CACNA1I: variants seen among roughly 807,000 people sequenced by gnomAD.
CACNA1I encodes the protein voltage-dependent T-type calcium channel subunit alpha-1I.
Under a neutral mutation model 201.6 loss-of-function variants are expected in CACNA1I, and 74 were observed. The ratio of observed to expected loss-of-function variants is 0.37; its 90% CI spans 0.30 to 0.45. The LOEUF (loss-of-function observed/expected upper bound fraction) is 0.45, where lower values mean the gene tolerates loss of function less well. Ranked by LOEUF, CACNA1I falls within the 20% of genes least tolerant of loss-of-function variation. The pLI, the probability that CACNA1I is intolerant of heterozygous loss-of-function variation, is 1.00. For synonymous variants in CACNA1I, 1,431 were observed against 1,345.2 expected (o/e 1.06, Z -1.40); for missense variants, 2,346 against 3,138.1 (o/e 0.75, Z 6.03).
chr22:39,622,598 T>TG (rs1411964115), intron 4 of CACNA1I, among the ~76,000 whole-genome samples: 62 of 2,742 alleles, frequency 0.023, no homozygotes, highest in African/African-American at 0.031. Context: ...GAGTGCGGTG[T>TG]GGGGGGGGCG....
Position 39,686,419 on chromosome 22 carries a change from C to A in CACNA1I, c.*14C>A, listed in dbSNP as rs1255843934. On this transcript the variant is annotated 3_prime_UTR_variant, in exon 37 of 37. Coordinates refer to ENST00000402142, the MANE Select transcript of CACNA1I (RefSeq NM_021096.4). ...AGGAAGAGATGAGGGTCGCAGGGGC[C>A]CCCGGCCGCCCACCGCCCGCCCCGT... 2 of 1,229,748 alleles carry A rather than the reference C, an allele frequency of 1.6e-6. No homozygotes were observed. Among genetic ancestry groups the A allele is most frequent in the Non-Finnish European group, 2.0e-6 (2 of 981,554 alleles). The allele number at this position is 1,229,748 out of a possible 1,614,324, so 76.2% of individuals were successfully genotyped here.
chr22:39,580,796 A>G (rs1205118989), intron 1 of CACNA1I, among the ~76,000 whole-genome samples: 1 of 152,182 alleles, frequency 6.6e-6, no homozygotes, highest in Non-Finnish European at 1.5e-5. Context: ...AGGATGCTTG[A>G]GGGAAAGACT....
chr22:39,669,692 A>G (rs1027580693), intron 24 of CACNA1I, among the ~76,000 whole-genome samples: 1 of 149,794 alleles, frequency 6.7e-6, no homozygotes, highest in Admixed American at 6.6e-5. Context: ...GGATGGATGG[A>G]TGGGTGGTGG....
intron 29 of CACNA1I, among the ~76,000 whole-genome samples, chr22:39,674,580 C>T (rs950005856): frequency 5.9e-5 from 9 of 152,140 alleles, no homozygotes; most frequent in Admixed American, 3.3e-4. Flanking sequence ...CCGCACCCTG[C>T]GGTTAGTGAA....
Position 39,649,985 on chromosome 22 carries a change from C to T in CACNA1I, c.1992+60C>T. The T allele has an allele frequency of 6.4e-7, 1 of 1,571,846 alleles. No homozygotes were observed. Among genetic ancestry groups the T allele is most frequent in the Non-Finnish European group, 8.7e-7 (1 of 1,143,874 alleles). On this transcript the variant is annotated intron_variant, in intron 10 of 36. Coordinates refer to ENST00000402142, the MANE Select transcript of CACNA1I (RefSeq NM_021096.4). This position sits in a 1 kb window ranked among gnomAD's most constrained non-coding sequence, Gnocchi z 7.3. ...GAGGTGTGAGGGCCCCAGGACCCTG[C>T]CCAGGCCTGGGCAGCCCCATCCATC...
chr22:39,650,368 G>A (rs192906122), intron 10 of CACNA1I, among the ~76,000 whole-genome samples: 18 of 151,958 alleles, frequency 1.2e-4, no homozygotes, highest in Admixed American at 3.3e-4. Context: ...GCCCAGGCTG[G>A]AGTGCAGTGG....
At chr22:39,594,796 T>G (rs373691437) in intron 1 of CACNA1I, among the ~76,000 whole-genome samples, 2 of 151,942 alleles carry the variant, frequency 1.3e-5, no homozygotes, top group Non-Finnish European at 2.9e-5. Context: ...GATGTTGGAG[T>G]GGGCAGGGCC....
chr22:39,643,037 CCACCGGG>C (rs1457371459), intron 7 of CACNA1I, 148 bp downstream of exon 7: 1 of 608,030 alleles, frequency 1.6e-6, no homozygotes, highest in Non-Finnish European at 2.9e-6. Context: ...TTTCTCAGCA[CCACCGGG>C]CAGCAGATGA....
rs373122951 is a variant in CACNA1I at position 39,658,958 on chromosome 22, C to T, written c.2172C>T (p.Asp724=). The T allele has an allele frequency of 1.0e-4, 163 of 1,602,728 alleles. No homozygotes were observed. Among genetic ancestry groups the T allele is most frequent in the Middle Eastern group, 6.6e-4 (4 of 6,076 alleles). Reference sequence around the variant, plus strand: ...TCTGGGAGATTGTGGGGCAGGCGGACGGTGGGCTGTCGGTGCTGCGGACCT... The same window carrying T: ...TCTGGGAGATTGTGGGGCAGGCGGATGGTGGGCTGTCGGTGCTGCGGACCT... The part of the protein sequence containing the change: ...ISIWEIVGQA[D]GGLSVLRTFR... The change falls in exon 12 of 37, where the codon GAC becomes GAT. Residue 724 remains aspartate (D), a synonymous_variant. Transcript: ENST00000402142.
At position 39,663,515 on chromosome 22, in the gene CACNA1I, C is replaced by T. The variant is rs563514614; in HGVS notation, c.3474-203C>T. Among the ~76,000 whole-genome samples the T allele has an allele frequency of 1.7e-4, 26 of 152,274 alleles. No individual in the cohort carries two copies. The South Asian group carries it at 5.4e-3, about 32-fold the overall frequency. On this transcript the variant is annotated intron_variant, in intron 18 of 36. Transcript: ENST00000402142. ...AGTGCCAGGGAAAGGTGGGTGACCT[C>T]GTGGTGTGGGTGTATGGTCAGAGGA...
intron 1 of CACNA1I, among the ~76,000 whole-genome samples, chr22:39,580,868 A>G (rs956781323): frequency 6.6e-6 from 1 of 152,212 alleles, no homozygotes; most frequent in African/African-American, 2.4e-5. Flanking sequence ...TTGATCACCC[A>G]TTCATTCGAC....
rs758879542 is a variant in CACNA1I at position 39,677,324 on chromosome 22, C to T, written c.4855-17C>T. 7.6e-6 allele frequency: 12 copies of T among 1,573,268 alleles called. No homozygotes were observed. Among genetic ancestry groups the T allele is most frequent in the East Asian group, 2.3e-5 (1 of 43,694 alleles). ...CCCGCTCCCCAGCCCCACCCGGCCT[C>T]ACCTGTCCTCCCGCAGGTGGGCAAC... On this transcript the variant is annotated splice_polypyrimidine_tract_variant and intron_variant, in intron 29 of 36. Coordinates refer to ENST00000402142, the MANE Select transcript of CACNA1I (RefSeq NM_021096.4). This position sits in a 1 kb window ranked among gnomAD's most constrained non-coding sequence, Gnocchi z 4.8.
intron 10 of CACNA1I, among the ~76,000 whole-genome samples, chr22:39,654,489 TC>T (rs61209537): frequency 0.12 from 18,623 of 152,204 alleles, 2,651 homozygotes; most frequent in African/African-American, 0.35. Flanking sequence ...TGGCCCCAGC[TC>T]CCAGAGGACT....
In CACNA1I at chr22:39,686,080, G is replaced by T. The variant is rs1429855671; in HGVS notation, c.6347G>T (p.Gly2116Val). The T allele has an allele frequency of 2.4e-6, 3 of 1,236,728 alleles. No individual in the cohort carries two copies. The African/African-American group carries it at 4.7e-5, about 19-fold the overall frequency. 76.6% of individuals were successfully genotyped at this position (1,236,728 alleles called of 1,614,324 possible). ...SDEEGRGGAG[G>V]GGAGSEHSET... ...GAGGAGGGCCGCGGTGGCGCGGGCG[G>T]CGGGGGCGCGGGCAGCGAGCACTCG... The change falls in exon 37 of 37, where the codon GGC becomes GTC. Residue 2116 changes from glycine to valine, a missense_variant. By Grantham distance (109) the Gly-to-Val change is moderately radical (BLOSUM62 -3). This residue lies in a region of CACNA1I where 441 missense variants were observed against 555.6 expected (regional missense o/e 0.79). Coordinates refer to ENST00000402142, the MANE Select transcript of CACNA1I (RefSeq NM_021096.4).
Position 39,600,034 on chromosome 22 carries a change from C to G in CACNA1I, c.349-486C>G, listed in dbSNP as rs540866429. 2.0e-4 allele frequency among the ~76,000 whole-genome samples: 30 copies of G among 152,322 alleles called. No individual in the cohort carries two copies. In the East Asian group the frequency reaches 5.8e-3, roughly 29 times the overall value. Reference sequence around the variant, plus strand: ...TTTGGGGTGAGACCCACCGGAGTTTCAATCCTGGTTCTGCCACTTATCTGC... The same window carrying G: ...TTTGGGGTGAGACCCACCGGAGTTTGAATCCTGGTTCTGCCACTTATCTGC... On this transcript the variant is annotated intron_variant, in intron 2 of 36. Transcript: ENST00000402142.
In CACNA1I at chr22:39,649,508, C is replaced by T. The variant is rs1320809863; in HGVS notation, c.1575C>T (p.Cys525=). ...CTCTCATTTGCTTTTCAGAGCTGTG[C>T]CCGCAACATAGCCCCCTGGATGCGA... ...PGNDHSGREL[C]PQHSPLDATP... The change falls in exon 10 of 37, where the codon TGC becomes TGT. Residue 525 remains cysteine, a synonymous_variant. Coordinates refer to ENST00000402142, the MANE Select transcript of CACNA1I (RefSeq NM_021096.4). The surrounding 1 kb of genome is among the most constrained non-coding windows in gnomAD (Gnocchi z 7.3). The T allele has an allele frequency of 1.9e-6, 3 of 1,563,764 alleles. No homozygotes were observed. The highest frequency in any genetic ancestry group is 2.6e-6 in the Non-Finnish European group (3 of 1,154,430).
chr22:39,684,592 G>C lies in CACNA1I; in HGVS notation c.6027+94G>C. On this transcript the variant is annotated intron_variant, in intron 36 of 36. Transcript: ENST00000402142. This position sits in a 1 kb window ranked among gnomAD's most constrained non-coding sequence, Gnocchi z 4.6. The stretch of plus-strand genomic sequence containing the variant: ...AAGTCCAAGGGACTGGGAGGGGAAG[G>C]ACCCAACCAAAGGCCGAGGGCACCA... The C allele has an allele frequency of 7.2e-7, 1 of 1,397,740 alleles. No homozygotes were observed. Among genetic ancestry groups the C allele is most frequent in the Non-Finnish European group, 9.9e-7 (1 of 1,008,702 alleles). 86.6% of individuals were successfully genotyped at this position (1,397,740 alleles called of 1,614,324 possible).
At chr22:39,661,415 A>G (rs1342457511) in intron 16 of CACNA1I, 105 bp downstream of exon 16, 17 of 875,344 alleles carry the variant, frequency 1.9e-5, no homozygotes, top group Non-Finnish European at 2.7e-5. Flanking sequence ...TCTGGTGCCC[A>G]GCCAAAGTCA....
At position 39,687,549 on chromosome 22, in the gene CACNA1I, G is replaced by A. The variant is rs1935923923; in HGVS notation, c.*1144G>A. ...GCAGCTCTGACCGAATTCTAGGCAGGGGTGGGGGCACCTGCCTGGGCCCTG... is the reference window on the plus strand; with the variant it reads ...GCAGCTCTGACCGAATTCTAGGCAGAGGTGGGGGCACCTGCCTGGGCCCTG... On this transcript the variant is annotated 3_prime_UTR_variant, in exon 37 of 37. Transcript: ENST00000402142. 6.6e-6 allele frequency: 1 copy of A among 152,218 alleles called. No homozygotes were observed. Among genetic ancestry groups the A allele is most frequent in the South Asian group, 2.1e-4 (1 of 4,826 alleles). The allele number at this position is 152,218 out of a possible 1,614,324, so 9.4% of individuals were successfully genotyped here.
Sources: allele counts gnomAD v4.1 joint callset (sites outside exome capture counted in the v4.1 genomes callset), GRCh38; gene constraint gnomAD v4.1.1; regional missense constraint gnomAD v4.1.1; non-coding constraint Gnocchi (gnomAD v3.1); transcripts MANE v1.5; gene names NCBI Gene and HGNC (gene_info 2026-07-23, HGNC 2026-07-21).